Variants in PREP observed in about 807,000 individuals in gnomAD.
PREP encodes prolyl endopeptidase.
PREP carries 29 observed loss-of-function variants against 87.6 expected under a neutral mutation model. The ratio of observed to expected loss-of-function variants is 0.33; its 90% CI spans 0.25 to 0.45. The LOEUF (loss-of-function observed/expected upper bound fraction) is 0.45, where lower values mean the gene tolerates loss of function less well. PREP is among the 20% of genes least tolerant of loss of function. The probability of loss-of-function intolerance (pLI) is 1.00; values close to 1 mark genes in which losing one functional copy is unlikely to be tolerated. For missense variants in PREP, 695 were observed against 886.5 expected (o/e 0.78, Z 2.74); for synonymous variants, 337 against 328.6 (o/e 1.03, Z -0.28).
intron 7 of PREP, among the ~76,000 whole-genome samples, chr6:105,341,703 G>A (rs564681411): frequency 6.6e-6 from 1 of 152,008 alleles, no homozygotes; most frequent in South Asian, 2.1e-4. Context: ...ATGATAAAGG[G>A]GATATCACCA....
chr6:105,339,748 C>T (rs956271882), intron 7 of PREP, among the ~76,000 whole-genome samples: 5 of 152,146 alleles, frequency 3.3e-5, no homozygotes, highest in Admixed American at 2.6e-4. Context: ...CATGCACAAG[C>T]TTCAGTAGCC....
At chr6:105,396,418 A>G (rs1027776386) in intron 2 of PREP, among the ~76,000 whole-genome samples, 6 of 152,178 alleles carry the variant, frequency 3.9e-5, no homozygotes, top group African/African-American at 1.4e-4. Flanking sequence ...GAAGAAAGAG[A>G]TGATCATGTG....
intron 10 of PREP, among the ~76,000 whole-genome samples, chr6:105,300,670 C>T (rs774050284): frequency 4.0e-5 from 6 of 151,278 alleles, no homozygotes; most frequent in Non-Finnish European, 7.4e-5. Context: ...ATATAAAGTA[C>T]ATAAGTCTAA....
chr6:105,391,610 T>C (rs1583105589), intron 2 of PREP, among the ~76,000 whole-genome samples: 2 of 151,850 alleles, frequency 1.3e-5, no homozygotes, highest in East Asian at 3.9e-4. Context: ...TTACTGGGAG[T>C]AGTACAAAGA....
At chr6:105,327,512 T>C (rs1244580610) in intron 9 of PREP, among the ~76,000 whole-genome samples, 1 of 152,186 alleles carries the variant, frequency 6.6e-6, no homozygotes, top group Admixed American at 6.5e-5. Flanking sequence ...CTTTTGGTTT[T>C]AATAACCCTG....
intron 10 of PREP, among the ~76,000 whole-genome samples, chr6:105,300,196 C>G (rs1218046931): frequency 4.6e-5 from 7 of 152,206 alleles, no homozygotes; most frequent in African/African-American, 1.7e-4. Context: ...CGCGCCCAGA[C>G]TGTTTTTGTT....
chr6:105,332,434 C>T (rs67125925), intron 8 of PREP, among the ~76,000 whole-genome samples: 10,348 of 152,198 alleles, frequency 0.068, 423 homozygotes, highest in East Asian at 0.17. Flanking sequence ...CTTTAATTCA[C>T]GGAAAAACAC....
intron 3 of PREP, 49 bp from the exon 4 acceptor site, chr6:105,376,304 G>T (rs1163034421): frequency 3.2e-6 from 5 of 1,579,664 alleles, no homozygotes; most frequent in Middle Eastern, 2.1e-4. Context: ...TTCTATTTGT[G>T]GAGTAAAACC....
chr6:105,324,308 C>T lies in PREP; in HGVS notation c.1214-540G>A, dbSNP rs190416133. Among the ~76,000 whole-genome samples the T allele has an allele frequency of 6.6e-5, 10 of 152,226 alleles. No homozygotes were observed. The East Asian group carries it at 7.7e-4, about 12-fold the overall frequency. ...TGGACACTCATGTGGACAGCAATCA[C>T]GGACCAAAGATGATCAGTAGATATT... On this transcript the variant is annotated intron_variant, in intron 9 of 14. Transcript: ENST00000652536.
intron 6 of PREP, among the ~76,000 whole-genome samples, chr6:105,363,886 C>G (rs866692804): frequency 6.6e-6 from 1 of 152,118 alleles, no homozygotes. Context: ...TTATAACCCA[C>G]ATCAGGGAAC....
intron 12 of PREP, among the ~76,000 whole-genome samples, chr6:105,284,213 T>C (rs1351532968): frequency 6.6e-6 from 1 of 152,082 alleles, no homozygotes; most frequent in Non-Finnish European, 1.5e-5. Context: ...TCACAATCAG[T>C]AGTTTCTGGG....
rs1769887659 is a variant in PREP at position 105,274,057 on chromosome 6, G to C, written c.*4087C>G. On this transcript the variant is annotated 3_prime_UTR_variant, in exon 15 of 15. Coordinates refer to ENST00000652536, the MANE Select transcript of PREP (RefSeq NM_002726.5). ...TTATTCCTGTTTCTTGTTAATTCCT[G>C]AAATTATACTTTGTTTATTATCTTG... Among the ~76,000 whole-genome samples the C allele has an allele frequency of 6.6e-6, 1 of 152,120 alleles. No individual in the cohort carries two copies. The highest frequency in any genetic ancestry group is 2.4e-5 in the African/African-American group (1 of 41,412).
chr6:105,356,107 CTA>C (rs148515559), intron 6 of PREP, among the ~76,000 whole-genome samples: 14,291 of 151,898 alleles, frequency 0.094, 721 homozygotes, highest in South Asian at 0.19. Flanking sequence ...TTTTTAATAA[CTA>C]TTTATTTTTT....
At chr6:105,310,974 A>G (rs1032311833) in intron 10 of PREP, among the ~76,000 whole-genome samples, 1 of 152,164 alleles carries the variant, frequency 6.6e-6, no homozygotes, top group African/African-American at 2.4e-5. Context: ...AGTTTCTCAG[A>G]TTCAAAATCT....
At chr6:105,302,851 C>T (rs551279996) in intron 10 of PREP, 2 of 342,222 alleles carry the variant, frequency 5.8e-6, no homozygotes, top group Admixed American at 3.9e-5. Context: ...CCGCCGCCTG[C>T]TCCGAGGGCT....
At chr6:105,396,504 C>G (rs992758952) in intron 2 of PREP, among the ~76,000 whole-genome samples, 1 of 152,202 alleles carries the variant, frequency 6.6e-6, no homozygotes. Flanking sequence ...CACTCCATCC[C>G]TTTCCTTGTC....
At chr6:105,279,630 CA>C (rs1200099037) in intron 14 of PREP, among the ~76,000 whole-genome samples, 1 of 152,152 alleles carries the variant, frequency 6.6e-6, no homozygotes, top group Non-Finnish European at 1.5e-5. Context: ...AGGCACAGCC[CA>C]GGGGGCGGGG....
Position 105,323,766 on chromosome 6 carries a change from T to C in PREP, c.1216A>G (p.Ile406Val), listed in dbSNP as rs1390460549. Reference protein sequence around the residue: ...YQFTSFLSPGIIYHCDLTKEE... With the variant: ...YQFTSFLSPGVIYHCDLTKEE... ...TTGGTAAGATCACAGTGATAAATGA[T>C]ACCTAAAAAGTAGAATAAGGCTTGG... Residue 406 changes from isoleucine to valine, a missense_variant and splice_region_variant, in exon 10 of 15, where the codon ATC (isoleucine) becomes GTC (valine). Ile to Val is a conservative substitution (Grantham distance 29). This residue lies in a region of PREP where 517 missense variants were observed against 620.3 expected (regional missense o/e 0.83). Coordinates refer to ENST00000652536, the MANE Select transcript of PREP (RefSeq NM_002726.5). The C allele has an allele frequency of 6.2e-7, 1 of 1,610,022 alleles. No homozygotes were observed. The highest frequency in any genetic ancestry group is 8.5e-7 in the Non-Finnish European group (1 of 1,176,354).
At chr6:105,344,216 C>T (rs1209109042) in intron 7 of PREP, among the ~76,000 whole-genome samples, 5 of 152,048 alleles carry the variant, frequency 3.3e-5, no homozygotes, top group Admixed American at 6.6e-5. Flanking sequence ...TTCGGCTGGG[C>T]GCGGTGGCTC....
Sources: allele counts gnomAD v4.1 joint callset (sites outside exome capture counted in the v4.1 genomes callset), GRCh38; gene constraint gnomAD v4.1.1; regional missense constraint gnomAD v4.1.1; transcripts MANE v1.5; gene names NCBI Gene and HGNC (gene_info 2026-07-23, HGNC 2026-07-21).